Variants in GLMN observed in about 807,000 individuals in gnomAD.
The protein encoded by GLMN is glomulin, FKBP associated protein, also known as glomulin.
A neutral mutation model predicts 87.8 loss-of-function variants in GLMN; 75 were observed. The observed-to-expected ratio is 0.85, with a 90% CI of 0.71 to 1.04. The LOEUF is 1.04. GLMN is among the 50% of genes least tolerant of loss of function. The pLI is 0.00. For synonymous variants in GLMN, 206 were observed against 221.6 expected (o/e 0.93, Z 0.63); for missense variants, 588 against 658.8 (o/e 0.89, Z 1.18).
chr1:92,276,159 GA>G (rs1439861486), intron 7 of GLMN, among the ~76,000 whole-genome samples: 1 of 152,158 alleles, frequency 6.6e-6, no homozygotes, highest in African/African-American at 2.4e-5. Flanking sequence ...CTGGGAGGTT[GA>G]GGCTGCAGTG....
intron 16 of GLMN, among the ~76,000 whole-genome samples, chr1:92,261,978 T>A (rs1655110396): frequency 6.6e-6 from 1 of 151,918 alleles, no homozygotes; most frequent in African/African-American, 2.4e-5. Flanking sequence ...TAAAAAAAAA[T>A]AGCACCTGAT....
intron 7 of GLMN, among the ~76,000 whole-genome samples, chr1:92,279,084 C>T (rs1647638972): frequency 3.8e-5 from 2 of 52,064 alleles, no homozygotes; most frequent in Admixed American, 2.1e-4. Context: ...CACCTTTTCA[C>T]TGTCTCTTGC....
chr1:92,247,003 A>G, intron 18 of GLMN, 59 bp downstream of exon 18: 1 of 920,752 alleles, frequency 1.1e-6, no homozygotes, highest in Non-Finnish European at 1.8e-6. Flanking sequence ...AGCTTGGGCA[A>G]GATAGCAAGA....
chr1:92,264,551 T>C lies in GLMN; in HGVS notation c.1299+3A>G, dbSNP rs1478971349. 1.4e-6 allele frequency: 2 copies of C among 1,423,536 alleles called. No homozygotes were observed. Among genetic ancestry groups the C allele is most frequent in the Non-Finnish European group, 2.0e-6 (2 of 1,006,272 alleles). 88.2% of individuals were successfully genotyped at this position (1,423,536 alleles called of 1,614,324 possible). A position where few individuals can be genotyped will look rare whatever the true frequency, so the allele number is the denominator to read the frequency against. On this transcript the variant is annotated splice_donor_region_variant and intron_variant, in intron 14 of 18. Coordinates refer to ENST00000370360, the MANE Select transcript of GLMN (RefSeq NM_053274.3). ...GTAATTGACACTTTGGCTATGTTCT[T>C]ACCTTTAATGACATGTCAATTTGAT...
At chr1:92,276,319 A>T (rs1056380601) in intron 7 of GLMN, among the ~76,000 whole-genome samples, 8 of 152,020 alleles carry the variant, frequency 5.3e-5, no homozygotes. Flanking sequence ...TTAAAAACCT[A>T]TTCTCTCTCT....
At position 92,260,748 on chromosome 1, in the gene GLMN, A is replaced by G. The variant is rs754029727; in HGVS notation, c.1473+2115T>C. On this transcript the variant is annotated intron_variant, in intron 16 of 18. Coordinates refer to ENST00000370360, the MANE Select transcript of GLMN (RefSeq NM_053274.3). ...TCCAGCCTGGGCAATACAGTGAGAC[A>G]CTGTCTCTTTGAGATGGAAAAAAAA... Among the ~76,000 whole-genome samples, 65 of 127,860 alleles carry G rather than the reference A, an allele frequency of 5.1e-4. 1 individual carries two copies. Among genetic ancestry groups the G allele is most frequent in the Non-Finnish European group, 7.9e-4 (50 of 63,564 alleles). 83.9% of individuals were successfully genotyped at this position (127,860 alleles called of 152,430 possible). A position where few individuals can be genotyped will look rare whatever the true frequency, so the allele number is the denominator to read the frequency against.
upstream of GLMN, chr1:92,300,318 G>T: frequency 8.7e-7 from 1 of 1,154,168 alleles, no homozygotes; most frequent in Admixed American, 2.1e-5. Flanking sequence ...AACAATAATG[G>T]TTACCTTTTT....
At chr1:92,361,812 T>C in the GLMN span, among the ~76,000 whole-genome samples, 1 of 151,924 alleles carries the variant, frequency 6.6e-6, no homozygotes, top group South Asian at 2.1e-4. Context: ...CAAAACTTTA[T>C]TCCAAATATT....
chr1:92,361,924 T>C, the GLMN span, among the ~76,000 whole-genome samples: 1 of 152,166 alleles, frequency 6.6e-6, no homozygotes, highest in African/African-American at 2.4e-5. Flanking sequence ...TGGCACTAAG[T>C]CTTTTAGTTA....
At chr1:92,349,631 C>A in the GLMN span, among the ~76,000 whole-genome samples, 1 of 152,172 alleles carries the variant, frequency 6.6e-6, no homozygotes, top group Non-Finnish European at 1.5e-5. Context: ...GATGTATTAA[C>A]ATTTTTTAAA....
At chr1:92,320,616 T>C in the GLMN span, 1 of 1,611,238 alleles carries the variant, frequency 6.2e-7, no homozygotes, top group Non-Finnish European at 8.5e-7. Flanking sequence ...GATTTTCAAC[T>C]GCTAAAGGAA....
intron 7 of GLMN, among the ~76,000 whole-genome samples, chr1:92,278,732 A>AC (rs1647603910): frequency 6.6e-6 from 1 of 151,580 alleles, no homozygotes. Context: ...TACCATTTCT[A>AC]CCCCTCCTTG....
chr1:92,284,881 GTCA>G (rs1175087197), intron 7 of GLMN, among the ~76,000 whole-genome samples: 1 of 152,154 alleles, frequency 6.6e-6, no homozygotes, highest in Admixed American at 6.5e-5. Flanking sequence ...ATCATCACTG[GTCA>G]TCAGAGAAAT....
At chr1:92,290,744 T>C (rs1309735104) in intron 4 of GLMN, among the ~76,000 whole-genome samples, 1 of 152,234 alleles carries the variant, frequency 6.6e-6, no homozygotes, top group African/African-American at 2.4e-5. Context: ...TTTTAAAAGC[T>C]CCCAGCTCCC....
rs780711270 is a variant in GLMN, at chr1:92,264,619, T to G, written c.1234A>C (p.Asn412His). Residue 412 changes from asparagine to histidine, a missense_variant, in exon 14 of 19, where the codon AAT becomes CAT. Physicochemically the swap from Asn to His is moderately conservative, Grantham distance 68. Transcript: ENST00000370360. ...TLFRCLLNTS[N>H]HSGVEAFIIQ... ...ATAAAAGCCTCCACACCTGAGTGATTACTTGTATTCAATAAGCACCTTGAA... is the reference window on the plus strand; with the variant it reads ...ATAAAAGCCTCCACACCTGAGTGATGACTTGTATTCAATAAGCACCTTGAA... 1 of 1,579,388 alleles carries G rather than the reference T, an allele frequency of 6.3e-7. No individual in the cohort carries two copies. Among genetic ancestry groups the G allele is most frequent in the South Asian group, 1.1e-5 (1 of 90,372 alleles).
chr1:92,270,726 G>A (rs927400564), intron 8 of GLMN, among the ~76,000 whole-genome samples: 1 of 152,004 alleles, frequency 6.6e-6, no homozygotes, highest in Admixed American at 6.6e-5. Flanking sequence ...AGAAGACAAG[G>A]TCAAGGTAAT....
At chr1:92,279,597 G>A (rs1189276995) in intron 7 of GLMN, among the ~76,000 whole-genome samples, 1 of 152,108 alleles carries the variant, frequency 6.6e-6, no homozygotes, top group East Asian at 1.9e-4. Flanking sequence ...ACCTCACTGG[G>A]ACTGGTTGGA....
chr1:92,248,778 TAC>T (rs1653026079), intron 16 of GLMN, among the ~76,000 whole-genome samples: 1 of 150,452 alleles, frequency 6.6e-6, no homozygotes, highest in African/African-American at 2.5e-5. Flanking sequence ...AAATAAAATC[TAC>T]ACATGTCTAT....
chr1:92,351,638 C>T, the GLMN span, among the ~76,000 whole-genome samples: 1 of 152,130 alleles, frequency 6.6e-6, no homozygotes, highest in Non-Finnish European at 1.5e-5. Flanking sequence ...GAGCCTGTAA[C>T]ACAAGAGGTC....
Sources: gnomAD v4.1 joint callset for allele counts (sites outside exome capture counted in the v4.1 genomes callset) on GRCh38, gnomAD v4.1.1 for gene constraint, MANE v1.5 for transcripts, NCBI Gene and HGNC (gene_info 2026-07-23, HGNC 2026-07-21) for gene names.